The following AP2B1 variants were observed in gnomAD, a reference collection of about 807,000 sequenced individuals.
AP2B1 encodes AP-2 complex subunit beta.
Under a neutral mutation model 102.0 loss-of-function variants are expected in AP2B1, and 23 were observed. The ratio of observed to expected loss-of-function variants is 0.23; its 90% CI spans 0.16 to 0.32. The LOEUF (loss-of-function observed/expected upper bound fraction) is 0.32. AP2B1 is among the 10% of genes least tolerant of loss of function. The pLI, the probability that AP2B1 is intolerant of heterozygous loss-of-function variation, is 1.00. For missense variants in AP2B1, 541 were observed against 1,157.4 expected, an observed-to-expected ratio of 0.47 and a Z score of 7.73; for synonymous variants, 381 against 421.2, an observed-to-expected ratio of 0.90 and a Z score of 1.17.
chr17:35,642,598 TC>T (rs1305876725), intron 12 of AP2B1, among the ~76,000 whole-genome samples: 6 of 152,300 alleles, frequency 3.9e-5, no homozygotes, highest in Non-Finnish European at 5.9e-5. Flanking sequence ...TGATCATCAG[TC>T]CATTGATGAT....
rs1222606389 is a variant in AP2B1 at position 35,702,367 on chromosome 17, G to A, written c.2455-6857G>A. On this transcript the variant is annotated intron_variant, in intron 18 of 21. Coordinates refer to ENST00000610402, the MANE Select transcript of AP2B1 (RefSeq NM_001030006.2). The stretch of plus-strand genomic sequence containing the variant: ...AGAATCATGGATTTCTGGAGGAAGA[G>A]CATTGTAGACAGAAGAAACAGCAAA... Among the ~76,000 whole-genome samples the A allele has an allele frequency of 2.0e-5, 3 of 152,180 alleles. No individual in the cohort carries two copies. The East Asian group carries it at 5.8e-4, about 29-fold the overall frequency.
chr17:35,702,333 G>T (rs1303430473), intron 18 of AP2B1, among the ~76,000 whole-genome samples: 3 of 152,334 alleles, frequency 2.0e-5, no homozygotes, highest in African/African-American at 7.2e-5. Flanking sequence ...ACTCAAAGGA[G>T]ACAGGGAAAG....
chr17:35,657,824 A>G lies in AP2B1; in HGVS notation c.1989+33A>G, dbSNP rs773652280. On this transcript the variant is annotated intron_variant, in intron 14 of 21. Transcript: ENST00000610402. ...TCTTTCTTCCCTTGTTCTTTTGGTTATTTTTAGTTCTTGATATGCTAGAGA... is the reference window on the plus strand; with the variant it reads ...TCTTTCTTCCCTTGTTCTTTTGGTTGTTTTTAGTTCTTGATATGCTAGAGA... 6.3e-6 allele frequency: 10 copies of G among 1,587,968 alleles called. No homozygotes were observed. In the African/African-American group the frequency reaches 1.2e-4, roughly 19 times the overall value.
intron 14 of AP2B1, among the ~76,000 whole-genome samples, chr17:35,664,403 G>A (rs2075418992): frequency 6.6e-6 from 1 of 152,110 alleles, no homozygotes; most frequent in Non-Finnish European, 1.5e-5. Flanking sequence ...ACAGGCACAT[G>A]CTGCACACAT....
At chr17:35,647,345 CT>C (rs1429863501) in intron 12 of AP2B1, among the ~76,000 whole-genome samples, 1 of 152,036 alleles carries the variant, frequency 6.6e-6, no homozygotes, top group Non-Finnish European at 1.5e-5. Context: ...AGGTTTCAGG[CT>C]GCTATTTATA....
At chr17:35,596,964 C>A in intron 2 of AP2B1, 1 of 678,012 alleles carries the variant, frequency 1.5e-6, no homozygotes, top group Non-Finnish European at 2.8e-6. Flanking sequence ...GAGAAGAAAG[C>A]TGTCTCGTGC....
chr17:35,678,253 G>A (rs576343408), intron 17 of AP2B1, among the ~76,000 whole-genome samples: 1 of 152,092 alleles, frequency 6.6e-6, no homozygotes, highest in African/African-American at 2.4e-5. Flanking sequence ...CTTCAACTTT[G>A]TTAAACTTAC....
At position 35,611,655 on chromosome 17, in the gene AP2B1, C is replaced by T. The variant is rs1398901772; in HGVS notation, c.525+3268C>T. On this transcript the variant is annotated intron_variant, in intron 5 of 21. Transcript: ENST00000610402. ...CTAGTCCATAAAATCAGGTGGCATACGTATGCTATTTATGTATTTGTGTTT... is the reference window on the plus strand; with the variant it reads ...CTAGTCCATAAAATCAGGTGGCATATGTATGCTATTTATGTATTTGTGTTT... 3.9e-5 allele frequency among the ~76,000 whole-genome samples: 6 copies of T among 152,088 alleles called. No homozygotes were observed. In the East Asian group the frequency reaches 5.8e-4, roughly 15 times the overall value.
Position 35,626,736 on chromosome 17 carries a change from A to G in AP2B1, c.832A>G (p.Asn278Asp), listed in dbSNP as rs1335913117. The G allele has an allele frequency of 3.8e-5, 62 of 1,613,832 alleles. No homozygotes were observed. Among genetic ancestry groups the G allele is most frequent in the Non-Finnish European group, 5.1e-5 (60 of 1,179,982 alleles). The change falls in exon 7 of 22, where the codon AAT becomes GAT. Residue 278 changes from asparagine (N) to aspartate (D), a missense_variant. Asn to Asp is a conservative substitution (Grantham distance 23, BLOSUM62 1). Coordinates refer to ENST00000610402, the MANE Select transcript of AP2B1 (RefSeq NM_001030006.2). Reference protein sequence around the residue: ...ELLPKDSDYYNMLLKKLAPPL... With the variant: ...ELLPKDSDYYDMLLKKLAPPL... ...GTTACCTAAGGATTCTGACTACTACAATATGCTGCTGAAGAAGTTAGCCCC... is the reference window on the plus strand; with the variant it reads ...GTTACCTAAGGATTCTGACTACTACGATATGCTGCTGAAGAAGTTAGCCCC...
At chr17:35,598,120 CT>C in intron 2 of AP2B1, 109 bp from the exon 3 acceptor site, 1 of 456,676 alleles carries the variant, frequency 2.2e-6, no homozygotes. Flanking sequence ...ATTTTAAAAT[CT>C]TATTTTAGTT....
In AP2B1 at chr17:35,723,619, T is replaced by C. The variant is rs1555593962; in HGVS notation, c.2782-6T>C. 5.0e-6 allele frequency: 8 copies of C among 1,602,928 alleles called. No individual in the cohort carries two copies. The highest frequency in any genetic ancestry group is 2.7e-5 in the African/African-American group (2 of 74,656). ...CTAATCTTCCATCTCCTTTTTCTCCTAACAGCTGTCACTGAAGTGTAGAGC... is the reference window on the plus strand; with the variant it reads ...CTAATCTTCCATCTCCTTTTTCTCCCAACAGCTGTCACTGAAGTGTAGAGC... On this transcript the variant is annotated splice_polypyrimidine_tract_variant and splice_region_variant and intron_variant, in intron 21 of 21. Coordinates refer to ENST00000610402, the MANE Select transcript of AP2B1 (RefSeq NM_001030006.2).
Position 35,591,190 on chromosome 17 carries a change from A to G in AP2B1, c.-23-2818A>G, listed in dbSNP as rs868326129. Among the ~76,000 whole-genome samples, 368 of 151,656 alleles carry G rather than the reference A, an allele frequency of 2.4e-3. 3 individuals are homozygous for G. The highest frequency in any genetic ancestry group is 0.014 in the Middle Eastern group (4 of 292). On this transcript the variant is annotated intron_variant, in intron 1 of 21. Transcript: ENST00000610402. ...TTGTCTCAAAAAAAAAAAAAAAAAA[A>G]AAAGAATTTAATGGGCTGGGCACGG...
At chr17:35,589,641 G>A (rs2073021105) in intron 1 of AP2B1, among the ~76,000 whole-genome samples, 1 of 152,192 alleles carries the variant, frequency 6.6e-6, no homozygotes, top group African/African-American at 2.4e-5. Flanking sequence ...CACTCTGGTC[G>A]AGGGCAAGTA....
At chr17:35,613,355 C>G (rs901318963) in intron 5 of AP2B1, among the ~76,000 whole-genome samples, 5 of 151,796 alleles carry the variant, frequency 3.3e-5, no homozygotes, top group Non-Finnish European at 4.4e-5. Flanking sequence ...AAGTCTGGTT[C>G]CTAGTGACAC....
Position 35,723,959 on chromosome 17 carries a change from T to C in AP2B1, c.*260T>C. The C allele has an allele frequency of 2.6e-6, 1 of 389,956 alleles. No individual in the cohort carries two copies. 24.2% of individuals were successfully genotyped at this position (389,956 alleles called of 1,614,324 possible). A position where few individuals can be genotyped will look rare whatever the true frequency, so the allele number is the denominator to read the frequency against. ...CTATCTGTCCTTACTTGTGGGCTTC[T>C]CCATGCTGTGCCAATGGCTGGCTTT... On this transcript the variant is annotated 3_prime_UTR_variant, in exon 22 of 22. Coordinates refer to ENST00000610402, the MANE Select transcript of AP2B1 (RefSeq NM_001030006.2).
At chr17:35,697,408 T>C (rs1456758333) in intron 18 of AP2B1, among the ~76,000 whole-genome samples, 7 of 152,262 alleles carry the variant, frequency 4.6e-5, no homozygotes. Flanking sequence ...ACCATGAGAC[T>C]ATTAAATTAT....
chr17:35,659,459 A>G (rs758933307), intron 14 of AP2B1, among the ~76,000 whole-genome samples: 4 of 152,160 alleles, frequency 2.6e-5, no homozygotes, highest in Non-Finnish European at 5.9e-5. Context: ...TCCAAAACCA[A>G]TGGGTTTTGT....
rs2076033059 is a variant in AP2B1 at position 35,691,155 on chromosome 17, A to G, written c.2454+8331A>G. Among the ~76,000 whole-genome samples the G allele has an allele frequency of 4.6e-5, 7 of 152,168 alleles. No homozygotes were observed. In the South Asian group the frequency reaches 1.5e-3, roughly 32 times the overall value. On this transcript the variant is annotated intron_variant, in intron 18 of 21. Coordinates refer to ENST00000610402, the MANE Select transcript of AP2B1 (RefSeq NM_001030006.2). ...CATCAGTCTGTTCATGTAACCTTTG[A>G]TTAGGGCAGAAAGTGCTGAAGACAC...
chr17:35,723,452 T>C (rs371148959), intron 21 of AP2B1, among the ~76,000 whole-genome samples, 173 bp from the exon 22 acceptor site: 6 of 152,366 alleles, frequency 3.9e-5, no homozygotes, highest in African/African-American at 1.4e-4. Context: ...ATTGATTAAA[T>C]TGAAATGCTA....
Sources: allele counts gnomAD v4.1 joint callset (sites outside exome capture counted in the v4.1 genomes callset), GRCh38; gene constraint gnomAD v4.1.1; transcripts MANE v1.5; gene names NCBI Gene and HGNC (gene_info 2026-07-23, HGNC 2026-07-21).